The following RHOBTB2 variants were observed in gnomAD, a reference collection of about 807,000 sequenced individuals.
RHOBTB2 encodes Rho related BTB domain containing 2, also known as rho-related BTB domain-containing protein 2.
Under a neutral mutation model 66.5 loss-of-function variants are expected in RHOBTB2, and 39 were observed. That is an observed-to-expected ratio of 0.59 (90% CI 0.45 to 0.77). RHOBTB2 has a LOEUF of 0.77. Among genes scored for constraint, RHOBTB2 ranks in the 30% least tolerant of loss-of-function variants. The probability of loss-of-function intolerance (pLI) is 0.00; values close to 1 mark genes in which losing one functional copy is unlikely to be tolerated. For synonymous variants in RHOBTB2, 390 were observed against 395.0 expected (o/e 0.99, Z 0.15); for missense variants, 755 against 999.1 (o/e 0.76, Z 3.29).
rs567752193 is a variant in RHOBTB2 at position 23,012,764 on chromosome 8, C to T, written c.1772-1926C>T. Among the ~76,000 whole-genome samples, 6 of 152,068 alleles carry T rather than the reference C, an allele frequency of 3.9e-5. No individual in the cohort carries two copies. In the South Asian group the frequency reaches 1.0e-3, roughly 26 times the overall value. On this transcript the variant is annotated intron_variant, in intron 7 of 9. Transcript: ENST00000251822. ...TTCCCAAGTACCTTGGACTATGGGC[C>T]TGCCTCATCACACCCAGCTAATTTT...
chr8:22,951,560 G>A, the RHOBTB2 span, among the ~76,000 whole-genome samples: 1 of 152,152 alleles, frequency 6.6e-6, no homozygotes, highest in Middle Eastern at 3.2e-3. Context: ...ATGTTTTGGG[G>A]GCAGGGGTTG....
At chr8:22,971,892 C>T in the RHOBTB2 span, among the ~76,000 whole-genome samples, 6 of 152,220 alleles carry the variant, frequency 3.9e-5, no homozygotes, top group South Asian at 4.1e-4. Context: ...GATTTACCCC[C>T]TTGCTGGCCA....
At chr8:23,009,194 A>G (rs1554504946) in intron 6 of RHOBTB2, among the ~76,000 whole-genome samples, 2 of 142,842 alleles carry the variant, frequency 1.4e-5, no homozygotes, top group Non-Finnish European at 3.1e-5. Flanking sequence ...GAAAAGAAGG[A>G]AGGGAGGGAG....
chr8:22,976,252 G>A, the RHOBTB2 span, among the ~76,000 whole-genome samples: 12 of 152,308 alleles, frequency 7.9e-5, no homozygotes, highest in South Asian at 2.1e-4. Flanking sequence ...TATTTAAGCC[G>A]AAATTATGAG....
the RHOBTB2 span, among the ~76,000 whole-genome samples, chr8:22,973,398 T>G: frequency 1.3e-5 from 2 of 152,058 alleles, no homozygotes; most frequent in African/African-American, 4.8e-5. Context: ...AGGACTAATT[T>G]TTTTTATTTT....
chr8:23,011,180 G>T (rs1243225740), intron 7 of RHOBTB2, among the ~76,000 whole-genome samples: 1 of 152,206 alleles, frequency 6.6e-6, no homozygotes, highest in East Asian at 1.9e-4. Flanking sequence ...CTTGAACCCG[G>T]GAGGTGGAGT....
upstream of RHOBTB2, among the ~76,000 whole-genome samples, chr8:22,995,490 C>T (rs537340613): frequency 6.6e-6 from 1 of 152,204 alleles, no homozygotes; most frequent in South Asian, 2.1e-4. Flanking sequence ...GAAGTGATAT[C>T]TAGGCTGAGA....
intron 1 of RHOBTB2, among the ~76,000 whole-genome samples, chr8:22,990,516 G>A (rs888028876): frequency 3.9e-5 from 6 of 152,194 alleles, no homozygotes; most frequent in Non-Finnish European, 8.8e-5. Context: ...AGGTGGCAGC[G>A]CGTCAGTCCA....
the RHOBTB2 span, among the ~76,000 whole-genome samples, chr8:22,978,331 C>CA: frequency 6.6e-6 from 1 of 151,384 alleles, no homozygotes; most frequent in East Asian, 1.9e-4. Context: ...ACTAAAAATA[C>CA]AAAAAATTAG....
At chr8:22,994,514 T>C (rs1434815991) in intron 2 of RHOBTB2, 13 of 1,191,584 alleles carry the variant, frequency 1.1e-5, no homozygotes, top group Non-Finnish European at 4.9e-6. Flanking sequence ...CTTTCTCCCC[T>C]CTGTCTCCCC....
chr8:22,994,304 C>A (rs1257040467), intron 2 of RHOBTB2, among the ~76,000 whole-genome samples: 1 of 152,204 alleles, frequency 6.6e-6, no homozygotes, highest in Non-Finnish European at 1.5e-5. Context: ...TCCACAAATG[C>A]CTGAGGCACA....
intron 1 of RHOBTB2, among the ~76,000 whole-genome samples, chr8:22,988,844 G>C (rs1308270340): frequency 6.6e-6 from 1 of 152,196 alleles, no homozygotes; most frequent in African/African-American, 2.4e-5. Context: ...CAGACAAGGG[G>C]CTGAGGCTGA....
the RHOBTB2 span, among the ~76,000 whole-genome samples, chr8:22,962,957 C>T: frequency 1.3e-5 from 2 of 152,230 alleles, no homozygotes; most frequent in Admixed American, 1.3e-4. Flanking sequence ...TAAGGGAAAG[C>T]AGCCAAGCAC....
At chr8:22,963,302 T>C in the RHOBTB2 span, among the ~76,000 whole-genome samples, 23 of 152,354 alleles carry the variant, frequency 1.5e-4, no homozygotes, top group African/African-American at 5.3e-4. Context: ...AAGTAAGTTT[T>C]CTCTCATCAG....
At chr8:23,012,366 T>C (rs1050109802) in intron 7 of RHOBTB2, among the ~76,000 whole-genome samples, 1 of 152,250 alleles carries the variant, frequency 6.6e-6, no homozygotes, top group Non-Finnish European at 1.5e-5. Context: ...ATGGAAAGGC[T>C]TATTGAAAAT....
chr8:22,978,317 C>A, the RHOBTB2 span, among the ~76,000 whole-genome samples: 2 of 151,718 alleles, frequency 1.3e-5, no homozygotes, highest in Non-Finnish European at 2.9e-5. Flanking sequence ...GAAACCCTGT[C>A]TCTACTAAAA....
chr8:22,978,704 A>G, the RHOBTB2 span, among the ~76,000 whole-genome samples: 1 of 152,254 alleles, frequency 6.6e-6, no homozygotes, highest in Non-Finnish European at 1.5e-5. Context: ...TTTCCTTTCT[A>G]ATAAATTATA....
chr8:22,963,670 A>G, the RHOBTB2 span, among the ~76,000 whole-genome samples: 1 of 152,232 alleles, frequency 6.6e-6, no homozygotes, highest in South Asian at 2.1e-4. Context: ...AAGCCTCACA[A>G]TCATGGCGGA....
At chr8:22,970,163 C>T in the RHOBTB2 span, among the ~76,000 whole-genome samples, 16 of 152,098 alleles carry the variant, frequency 1.1e-4, no homozygotes, top group African/African-American at 3.1e-4. Flanking sequence ...GCTCTGGAGA[C>T]GGGAAAGCAC....
Sources: gnomAD v4.1 joint callset for allele counts (sites outside exome capture counted in the v4.1 genomes callset) on GRCh38, gnomAD v4.1.1 for gene constraint, MANE v1.5 for transcripts, NCBI Gene and HGNC (gene_info 2026-07-23, HGNC 2026-07-21) for gene names.